CRIP3: variants seen among roughly 807,000 people sequenced by gnomAD.
The protein encoded by CRIP3 is cysteine rich protein 3.
Under a neutral mutation model 30.3 loss-of-function variants are expected in CRIP3, and 23 were observed. The observed-to-expected ratio is 0.76, with a 90% confidence interval of 0.55 to 1.08. The LOEUF (loss-of-function observed/expected upper bound fraction) is 1.08. CRIP3 is among the 50% of genes least tolerant of loss of function. The pLI is 0.00. For missense variants in CRIP3, 261 were observed against 259.3 expected (o/e 1.01, Z -0.04); for synonymous variants, 89 against 97.6 (o/e 0.91, Z 0.52).
In CRIP3 at chr6:43,305,854, C is replaced by T. The variant is rs778669001; in HGVS notation, c.575G>A (p.Gly192Asp). Reference sequence around the variant, plus strand: ...CTTCACTGGGTCATAGATGTAGCAGCCCACATCGCCAATGTTCACACCTGA... The same window carrying T: ...CTTCACTGGGTCATAGATGTAGCAGTCCACATCGCCAATGTTCACACCTGA... ...GPKGVNIGDV[G>D]CYIYDPVKIK... Residue 192 changes from glycine to aspartate, a missense_variant, in exon 8 of 8, where the codon GGC becomes GAC. Transcript: ENST00000372569. 3.1e-6 allele frequency: 5 copies of T among 1,614,010 alleles called. No individual in the cohort carries two copies. The African/African-American group carries it at 6.7e-5, about 22-fold the overall frequency.
intron 4 of CRIP3, 104 bp from the exon 5 acceptor site, chr6:43,306,621 G>A: frequency 9.8e-7 from 1 of 1,019,488 alleles, no homozygotes; most frequent in Admixed American, 2.9e-5. Flanking sequence ...TCATTCCAGA[G>A]TGCCCCACCC....
Position 43,306,466 on chromosome 6 carries a change from C to T in CRIP3, c.380G>A (p.Cys127Tyr), listed in dbSNP as rs766112718. The change falls in exon 5 of 8, where the codon TGT becomes TAT. Residue 127 changes from cysteine to tyrosine, a missense_variant. Physicochemically the swap from Cys to Tyr is radical, Grantham distance 194. Transcript: ENST00000372569. ...FTGETSLCPG[C>Y]GEPVYFAEKV... ...CTTACCAAAATAGACGGGCTCCCCA[C>T]AGCCAGGGCACAGCGAGGTCTCCCC... 49 of 1,613,496 alleles carry T rather than the reference C, an allele frequency of 3.0e-5. No individual in the cohort carries two copies. The East Asian group carries it at 6.5e-4, about 21-fold the overall frequency.
rs2841644 is a variant in CRIP3 at position 43,306,306 on chromosome 6, C to T, written c.408G>A (p.Lys136=). ...GCCAATTTCTGCCTAATGACATCAC[C>T]TTCTCAGCTGGTGGTGGAAAGAAGT... ...GCGEPVYFAE[K]VMSLGRNWHR... The change falls in exon 6 of 8, where the codon AAG becomes AAA. Residue 136 remains lysine, a synonymous_variant. Transcript: ENST00000372569. 6.2e-7 allele frequency: 1 copy of T among 1,614,112 alleles called. No homozygotes were observed. Among genetic ancestry groups the T allele is most frequent in the Non-Finnish European group, 8.5e-7 (1 of 1,180,002 alleles).
chr6:43,308,560 T>C, intron 1 of CRIP3, 151 bp from the exon 2 acceptor site: 3 of 918,880 alleles, frequency 3.3e-6, no homozygotes, highest in East Asian at 2.6e-5. Flanking sequence ...CCCGCTCCGG[T>C]TTCACACTCC....
intron 4 of CRIP3, 110 bp downstream of exon 4, chr6:43,307,502 T>G: frequency 2.3e-5 from 25 of 1,067,574 alleles, no homozygotes; most frequent in South Asian, 6.8e-5. Context: ...AATGAAGTTG[T>G]GAGAATGTGA....
At chr6:43,307,997 C>G in intron 2 of CRIP3, 101 bp from the exon 3 acceptor site, 3 of 1,321,244 alleles carry the variant, frequency 2.3e-6, no homozygotes, top group Non-Finnish European at 2.1e-6. Context: ...TGTCCACTGG[C>G]TGAGTCTGGT....
intron 4 of CRIP3, 117 bp downstream of exon 4, chr6:43,307,495 G>C (rs962073125): frequency 9.9e-6 from 10 of 1,005,538 alleles, no homozygotes; most frequent in African/African-American, 1.7e-5. Flanking sequence ...TGCCAAGAAT[G>C]AAGTTGTGAG....
At chr6:43,307,783 C>T in intron 3 of CRIP3, 40 bp from the exon 4 acceptor site, 3 of 1,609,192 alleles carry the variant, frequency 1.9e-6, no homozygotes, top group Non-Finnish European at 2.5e-6. Context: ...GAGCCCCCAG[C>T]TCCCAGCCAC....
chr6:43,308,522 A>ACAC, intron 1 of CRIP3, 113 bp from the exon 2 acceptor site: 1 of 980,644 alleles, frequency 1.0e-6, no homozygotes, highest in Non-Finnish European at 1.5e-6. Context: ...CTTCCTGGAG[A>ACAC]TGAGTGTCTC....
intron 4 of CRIP3, chr6:43,306,816 C>CTGA (rs1250923569): frequency 5.8e-6 from 2 of 342,142 alleles, no homozygotes; most frequent in Non-Finnish European, 1.1e-5. Context: ...GAAACTTGAG[C>CTGA]TGATATAGGA....
intron 4 of CRIP3, 119 bp from the exon 5 acceptor site, chr6:43,306,636 G>A (rs936910187): frequency 4.2e-5 from 35 of 839,350 alleles, no homozygotes; most frequent in South Asian, 3.1e-4. Context: ...CCACCCAGGC[G>A]CCCAAGAGTC....
chr6:43,308,463 C>G, intron 1 of CRIP3, 54 bp from the exon 2 acceptor site: 2 of 1,469,498 alleles, frequency 1.4e-6, no homozygotes. Context: ...AGCATAGGGC[C>G]CCTCCTTTCC....
At chr6:43,306,948 C>T (rs1345206064) in intron 4 of CRIP3, 1 of 171,332 alleles carries the variant, frequency 5.8e-6, no homozygotes, top group Non-Finnish European at 1.3e-5. Flanking sequence ...CTGGCCTTAT[C>T]CCAATGACTC....
At chr6:43,308,450 C>G (rs770522830) in intron 1 of CRIP3, 41 bp from the exon 2 acceptor site, 140 of 1,554,076 alleles carry the variant, frequency 9.0e-5, no homozygotes, top group Non-Finnish European at 1.2e-4. Context: ...AGGAGCCTGT[C>G]CAAGCATAGG....
Position 43,308,738 on chromosome 6 carries a change from C to T in CRIP3, c.43+12G>A. ...CGCCCCATCTTCTCCCCCTCCGCAG[C>T]CCGGGCCTCACCGAAGAAAACAGGT... On this transcript the variant is annotated intron_variant, in intron 1 of 7. Transcript: ENST00000372569. 1 of 1,614,024 alleles carries T rather than the reference C, an allele frequency of 6.2e-7. No homozygotes were observed. Among genetic ancestry groups the T allele is most frequent in the Non-Finnish European group, 8.5e-7 (1 of 1,180,012 alleles).
chr6:43,305,481 A>G lies in CRIP3; in HGVS notation c.*333T>C. On this transcript the variant is annotated 3_prime_UTR_variant, in exon 8 of 8. Coordinates refer to ENST00000372569, the MANE Select transcript of CRIP3 (RefSeq NM_206922.3). The stretch of plus-strand genomic sequence containing the variant: ...AGAAGAGTTGAAGGCATGGGAGCCA[A>G]CATTTTATTGAAGAAGCCACAGAGG... 8.0e-6 allele frequency: 3 copies of G among 375,332 alleles called. No individual in the cohort carries two copies. The highest frequency in any genetic ancestry group is 8.0e-5 in the South Asian group (3 of 37,634). 23.3% of individuals were successfully genotyped at this position (375,332 alleles called of 1,614,324 possible). A position where few individuals can be genotyped will look rare whatever the true frequency, so the allele number is the denominator to read the frequency against.
Position 43,306,228 on chromosome 6 carries a change from A to C in CRIP3, c.486T>G (p.Ser162Arg). Residue 162 changes from serine (S) to arginine (R), a missense_variant, in exon 6 of 8, where the codon AGT becomes AGG. Physicochemically the swap from Ser to Arg is moderately radical, Grantham distance 110 (BLOSUM62 -1). Coordinates refer to ENST00000372569, the MANE Select transcript of CRIP3 (RefSeq NM_206922.3). ...TTCCTGCCCTGCTCACCTCAGCATG[A>C]CTCCCAGCAGTCAGGGTCTTGTGGC... ...QRCHKTLTAG[S>R]HAEHDGVPYC... 1 of 1,613,804 alleles carries C rather than the reference A, an allele frequency of 6.2e-7. No homozygotes were observed. Among genetic ancestry groups the C allele is most frequent in the Non-Finnish European group, 8.5e-7 (1 of 1,179,966 alleles).
chr6:43,308,552 C>T, intron 1 of CRIP3, 143 bp from the exon 2 acceptor site: 1 of 915,940 alleles, frequency 1.1e-6, no homozygotes, highest in Non-Finnish European at 1.7e-6. Flanking sequence ...AGCTCCATCC[C>T]GCTCCGGTTT....
Position 43,308,825 on chromosome 6 carries a change from G to A in CRIP3, c.-33C>T, listed in dbSNP as rs1405839177. 2 of 1,612,960 alleles carry A rather than the reference G, an allele frequency of 1.2e-6. No individual in the cohort carries two copies. Among genetic ancestry groups the A allele is most frequent in the Non-Finnish European group, 8.5e-7 (1 of 1,179,290 alleles). ...CTCCAGGCAGCGCACGCGGCACACA[G>A]TAGGTACGCCGCTGCGGCTCAGTTC... On this transcript the variant is annotated 5_prime_UTR_variant, in exon 1 of 8. Transcript: ENST00000372569.
Sources: gnomAD v4.1 joint callset for allele counts on GRCh38, gnomAD v4.1.1 for gene constraint, MANE v1.5 for transcripts, NCBI Gene and HGNC (gene_info 2026-07-23, HGNC 2026-07-21) for gene names.